The following RNF150 variants were observed in gnomAD, a reference collection of about 807,000 sequenced individuals.
The protein encoded by RNF150 is ring finger protein 150.
RNF150 carries 24 observed loss-of-function variants against 39.3 expected under a neutral mutation model. That is an observed-to-expected ratio of 0.61 (90% confidence interval 0.44 to 0.86). The LOEUF (loss-of-function observed/expected upper bound fraction) is 0.86, where lower values mean the gene tolerates loss of function less well. Ranked by LOEUF, RNF150 falls within the 40% of genes least tolerant of loss-of-function variation. The pLI is 0.00. For missense variants in RNF150, 502 were observed against 587.8 expected (o/e 0.85, Z 1.51); for synonymous variants, 255 against 227.3 (o/e 1.12, Z -1.10).
intron 1 of RNF150, among the ~76,000 whole-genome samples, chr4:141,033,989 G>A (rs9998629): frequency 0.051 from 7,758 of 152,220 alleles, 552 homozygotes; most frequent in African/African-American, 0.16. Context: ...GTCACCAGCT[G>A]CATTAGCCCC....
At chr4:141,101,548 A>C (rs1359028238) in intron 1 of RNF150, among the ~76,000 whole-genome samples, 1 of 152,182 alleles carries the variant, frequency 6.6e-6, no homozygotes, top group African/African-American at 2.4e-5. Context: ...AAATACAAAG[A>C]GTATACTTTA....
At chr4:140,927,151 C>T (rs982840207) in intron 4 of RNF150, among the ~76,000 whole-genome samples, 1 of 152,110 alleles carries the variant, frequency 6.6e-6, no homozygotes, top group African/African-American at 2.4e-5. Flanking sequence ...GAATTGCTAC[C>T]TTTTAAACTG....
At chr4:141,121,210 G>A (rs1340615067) in intron 1 of RNF150, among the ~76,000 whole-genome samples, 2 of 152,112 alleles carry the variant, frequency 1.3e-5, no homozygotes, top group Non-Finnish European at 2.9e-5. Context: ...TGAGCTCCCA[G>A]ACCCTCTCTG....
chr4:141,187,881 C>T (rs1340322698), intron 1 of RNF150, among the ~76,000 whole-genome samples: 1 of 152,110 alleles, frequency 6.6e-6, no homozygotes, highest in Admixed American at 6.5e-5. Context: ...TGAATGTGAT[C>T]CTGTCTCATG....
At chr4:140,966,554 A>T (rs1285568529) in intron 2 of RNF150, among the ~76,000 whole-genome samples, 5 of 152,158 alleles carry the variant, frequency 3.3e-5, no homozygotes, top group African/African-American at 1.2e-4. Flanking sequence ...TAATAAAAGT[A>T]GTTACTTCAC....
intron 1 of RNF150, among the ~76,000 whole-genome samples, chr4:141,141,844 A>T (rs1318941960): frequency 6.6e-6 from 1 of 152,132 alleles, no homozygotes; most frequent in East Asian, 1.9e-4. Flanking sequence ...ATAATAAAAA[A>T]ACTGTGAGAA....
At chr4:141,145,820 T>C (rs1197129395) in intron 1 of RNF150, among the ~76,000 whole-genome samples, 1 of 152,188 alleles carries the variant, frequency 6.6e-6, no homozygotes, top group Non-Finnish European at 1.5e-5. Flanking sequence ...GAAGATCCAA[T>C]GTTCAAGTTC....
chr4:141,193,840 T>C (rs943857436), intron 1 of RNF150, among the ~76,000 whole-genome samples: 1 of 152,226 alleles, frequency 6.6e-6, no homozygotes, highest in African/African-American at 2.4e-5. Flanking sequence ...TATTTATGGA[T>C]AAGCACAAGC....
In RNF150 at chr4:141,177,054, GAAA is replaced by G. The variant is rs5862514; in HGVS notation, c.-6+35737_-6+35739del. ...AACATAACAAGACCCTGTCTCCTAGGAAAAAAAAAAAAAAAAAAAACAAAGAAA... is the reference window on the plus strand; with the variant it reads ...AACATAACAAGACCCTGTCTCCTAGGAAAAAAAAAAAAAAAAACAAAGAAA... On this transcript the variant is annotated intron_variant, in intron 1 of 7. Coordinates refer to the RNF150 transcript ENST00000420921. Among the ~76,000 whole-genome samples, 112 of 111,686 alleles carry G rather than the reference GAAA, an allele frequency of 1.0e-3. 1 individual carries two copies. The South Asian group carries it at 0.027, about 27-fold the overall frequency. The allele number at this position is 111,686 out of a possible 152,430, so 73.3% of individuals were successfully genotyped here. A position where few individuals can be genotyped will look rare whatever the true frequency, so the allele number is the denominator to read the frequency against.
intron 1 of RNF150, among the ~76,000 whole-genome samples, chr4:141,099,303 G>A (rs1429667302): frequency 6.6e-6 from 1 of 152,110 alleles, no homozygotes; most frequent in African/African-American, 2.4e-5. Context: ...GGTAGAAAGT[G>A]CTCTGCAACC....
chr4:141,180,602 G>A (rs953509916), intron 1 of RNF150, among the ~76,000 whole-genome samples: 1 of 152,006 alleles, frequency 6.6e-6, no homozygotes, highest in Admixed American at 6.6e-5. Flanking sequence ...ATTCTTGGTG[G>A]TGACATTCTC....
rs554614823 is a variant in RNF150 at position 140,935,870 on chromosome 4, C to T, written c.891-9797G>A. Among the ~76,000 whole-genome samples, 89 of 152,244 alleles carry T rather than the reference C, an allele frequency of 5.8e-4. 1 individual carries two copies. In the Middle Eastern group the frequency reaches 0.014, roughly 23 times the overall value. Reference sequence around the variant, plus strand: ...GATTTCTTAAGTGTGTGTATGTTTACGTACATACCACCCAGATGAAGATAT... The same window carrying T: ...GATTTCTTAAGTGTGTGTATGTTTATGTACATACCACCCAGATGAAGATAT... On this transcript the variant is annotated intron_variant, in intron 4 of 6. Transcript: ENST00000515673.
At chr4:141,075,272 A>G (rs1737852966) in intron 1 of RNF150, among the ~76,000 whole-genome samples, 1 of 152,262 alleles carries the variant, frequency 6.6e-6, no homozygotes, top group African/African-American at 2.4e-5. Flanking sequence ...CGATACTTAA[A>G]CAAATGGGTG....
chr4:140,894,603 T>C (rs1296677894), intron 6 of RNF150, among the ~76,000 whole-genome samples: 2 of 152,192 alleles, frequency 1.3e-5, no homozygotes, highest in East Asian at 1.9e-4. Flanking sequence ...CCTCCTTTGA[T>C]TGGTGCATGC....
intron 1 of RNF150, among the ~76,000 whole-genome samples, chr4:140,995,274 A>G (rs1258817431): frequency 6.6e-6 from 1 of 152,192 alleles, no homozygotes; most frequent in Non-Finnish European, 1.5e-5. Flanking sequence ...CAGTGGTGTT[A>G]GCAGCTTTTG....
intron 4 of RNF150, among the ~76,000 whole-genome samples, chr4:140,931,439 G>A (rs982047834): frequency 6.6e-6 from 1 of 152,168 alleles, no homozygotes; most frequent in Non-Finnish European, 1.5e-5. Context: ...GGATTGGAAA[G>A]CAGTATTTTT....
At chr4:141,045,124 T>C (rs1736522584) in intron 1 of RNF150, among the ~76,000 whole-genome samples, 1 of 152,238 alleles carries the variant, frequency 6.6e-6, no homozygotes, top group Non-Finnish European at 1.5e-5. Context: ...TAAAAAGTGC[T>C]AGTTCCAGAC....
At chr4:140,997,316 A>G (rs1040352811) in intron 1 of RNF150, among the ~76,000 whole-genome samples, 1 of 152,208 alleles carries the variant, frequency 6.6e-6, no homozygotes, top group Non-Finnish European at 1.5e-5. Flanking sequence ...CAGATTTTAT[A>G]AAGCGTAAAA....
intron 1 of RNF150, among the ~76,000 whole-genome samples, chr4:141,202,673 A>T (rs1189140749): frequency 3.9e-5 from 6 of 152,064 alleles, no homozygotes; most frequent in African/African-American, 7.2e-5. Context: ...GTTTTACATT[A>T]GAATTATTCT....
Sources: allele counts gnomAD v4.1 joint callset (sites outside exome capture counted in the v4.1 genomes callset), GRCh38; gene constraint gnomAD v4.1.1; transcripts MANE v1.5; gene names NCBI Gene and HGNC (gene_info 2026-07-23, HGNC 2026-07-21).